The following PREP variants were observed in gnomAD, a reference collection of about 807,000 sequenced individuals.
PREP encodes the protein prolyl endopeptidase.
In PREP, 29 loss-of-function variants were observed where a neutral mutation model predicts 87.6. The observed-to-expected ratio is 0.33, with a 90% CI of 0.25 to 0.45. PREP has a LOEUF of 0.45. PREP is among the 20% of genes least tolerant of loss of function. PREP has a pLI of 1.00. For missense variants in PREP, 695 were observed against 886.5 expected, an observed-to-expected ratio of 0.78 and a Z score of 2.74; for synonymous variants, 337 against 328.6, an observed-to-expected ratio of 1.03 and a Z score of -0.28.
At position 105,274,492 on chromosome 6, in the gene PREP, A is replaced by G. The variant is rs1028022166; in HGVS notation, c.*3652T>C. On this transcript the variant is annotated 3_prime_UTR_variant, in exon 15 of 15. Transcript: ENST00000652536. Reference sequence around the variant, plus strand: ...AGTAAGAGAGCTGTTTCGGCTGGGCATGGTGGCTCATGCCTGTAATCCCAG... The same window carrying G: ...AGTAAGAGAGCTGTTTCGGCTGGGCGTGGTGGCTCATGCCTGTAATCCCAG... Among the ~76,000 whole-genome samples the G allele has an allele frequency of 6.6e-6, 1 of 152,162 alleles. No homozygotes were observed. Among genetic ancestry groups the G allele is most frequent in the African/African-American group, 2.4e-5 (1 of 41,444 alleles).
At chr6:105,361,180 T>C (rs972069201) in intron 6 of PREP, among the ~76,000 whole-genome samples, 7 of 152,292 alleles carry the variant, frequency 4.6e-5, no homozygotes, top group Admixed American at 2.6e-4. Context: ...AAGCCTTTCT[T>C]CATATTAAGA....
At chr6:105,316,390 C>A (rs546499972) in intron 10 of PREP, among the ~76,000 whole-genome samples, 10 of 152,178 alleles carry the variant, frequency 6.6e-5, no homozygotes, top group Non-Finnish European at 1.3e-4. Context: ...CTTCTATGAG[C>A]GCATTTGTGA....
chr6:105,293,956 G>A (rs1312830296), intron 10 of PREP, among the ~76,000 whole-genome samples: 1 of 152,056 alleles, frequency 6.6e-6, no homozygotes, highest in Non-Finnish European at 1.5e-5. Flanking sequence ...TTCCCCCTTT[G>A]TATTTTCATG....
intron 2 of PREP, among the ~76,000 whole-genome samples, chr6:105,385,451 C>A (rs11152884): frequency 6.6e-6 from 1 of 151,982 alleles, no homozygotes; most frequent in Admixed American, 6.6e-5. Flanking sequence ...TAACTTCATG[C>A]TAGTAATTTT....
intron 10 of PREP, among the ~76,000 whole-genome samples, chr6:105,297,347 C>T (rs189892403): frequency 6.6e-6 from 1 of 152,296 alleles, no homozygotes; most frequent in Non-Finnish European, 1.5e-5. Flanking sequence ...ATATTAGAAC[C>T]TTAAACTATT....
At chr6:105,330,507 A>G (rs1771299007) in intron 8 of PREP, among the ~76,000 whole-genome samples, 1 of 152,134 alleles carries the variant, frequency 6.6e-6, no homozygotes, top group Admixed American at 6.5e-5. Context: ...AGCAGGAGTG[A>G]GAGGTGATGA....
chr6:105,366,171 C>T (rs144154797), intron 6 of PREP, among the ~76,000 whole-genome samples: 2 of 152,236 alleles, frequency 1.3e-5, no homozygotes, highest in East Asian at 1.9e-4. Flanking sequence ...GCAGGAAAAT[C>T]GCTTGAACCC....
chr6:105,354,115 G>A (rs569085614), intron 6 of PREP, among the ~76,000 whole-genome samples: 1 of 152,250 alleles, frequency 6.6e-6, no homozygotes, highest in East Asian at 1.9e-4. Context: ...ATGTTGATAT[G>A]TGTAAATCTA....
chr6:105,289,787 G>A (rs1770258302), intron 10 of PREP, among the ~76,000 whole-genome samples: 1 of 152,144 alleles, frequency 6.6e-6, no homozygotes, highest in South Asian at 2.1e-4. Context: ...CCCCTGGAAA[G>A]TGCTCCAGTT....
chr6:105,294,445 A>T (rs1190049), intron 10 of PREP, among the ~76,000 whole-genome samples: 24,815 of 152,102 alleles, frequency 0.16, 2,111 homozygotes, highest in South Asian at 0.21. Context: ...GTCTCCTGTG[A>T]TTTCCCTCAG....
At chr6:105,381,226 T>A (rs769195641) in intron 2 of PREP, among the ~76,000 whole-genome samples, 1 of 152,178 alleles carries the variant, frequency 6.6e-6, no homozygotes, top group African/African-American at 2.4e-5. Context: ...AAGTCTCAAG[T>A]TTTTTCATAA....
intron 2 of PREP, among the ~76,000 whole-genome samples, chr6:105,397,366 T>TC (rs1562230936): frequency 6.6e-6 from 1 of 152,006 alleles, no homozygotes; most frequent in African/African-American, 2.4e-5. Flanking sequence ...CAGAAAATGC[T>TC]CCCCCCTGCC....
At chr6:105,385,918 G>A (rs374409565) in intron 2 of PREP, among the ~76,000 whole-genome samples, 1 of 152,150 alleles carries the variant, frequency 6.6e-6, no homozygotes, top group Non-Finnish European at 1.5e-5. Context: ...TCAGGAGATC[G>A]AGACCAGCCT....
At chr6:105,349,617 A>AATAT (rs1379318697) in intron 7 of PREP, among the ~76,000 whole-genome samples, 1 of 152,138 alleles carries the variant, frequency 6.6e-6, no homozygotes, top group African/African-American at 2.4e-5. Context: ...TGGTATCCTA[A>AATAT]ATATATAAAT....
At position 105,353,017 on chromosome 6, in the gene PREP, G is replaced by A. The variant is rs1320337080; in HGVS notation, c.778C>T (p.Arg260Ter). The change falls in exon 7 of 15, where the codon CGA (arginine) becomes TGA (stop). Residue 260 changes from arginine to a stop codon, truncating the protein, a stop_gained. Coordinates refer to ENST00000652536, the MANE Select transcript of PREP (RefSeq NM_002726.5). LOFTEE classifies it high-confidence loss of function. ...TGCTGTAGGTCACAGTACCAGAGTCGGTTTACTGGATCACATCCTTCCCTT... is the reference window on the plus strand; with the variant it reads ...TGCTGTAGGTCACAGTACCAGAGTCAGTTTACTGGATCACATCCTTCCCTT... The part of the protein sequence containing the change: ...SIREGCDPVN[R>*]LWYCDLQQES... The A allele has an allele frequency of 2.9e-5, 47 of 1,613,838 alleles. No homozygotes were observed. The Admixed American group carries it at 4.3e-4, about 15-fold the overall frequency.
intron 2 of PREP, among the ~76,000 whole-genome samples, chr6:105,391,525 T>G (rs1773146366): frequency 6.6e-6 from 1 of 152,226 alleles, no homozygotes; most frequent in African/African-American, 2.4e-5. Context: ...CCTAGCCTGA[T>G]TTCTGGAAGT....
At chr6:105,370,976 G>A (rs1772525479) in intron 5 of PREP, among the ~76,000 whole-genome samples, 1 of 152,216 alleles carries the variant, frequency 6.6e-6, no homozygotes, top group South Asian at 2.1e-4. Context: ...CAGACCTTCA[G>A]AATGTACAAC....
At chr6:105,308,986 C>T (rs1770705391) in intron 10 of PREP, among the ~76,000 whole-genome samples, 1 of 151,936 alleles carries the variant, frequency 6.6e-6, no homozygotes, top group African/African-American at 2.4e-5. Context: ...GGATGGAGGG[C>T]CAGGAGTAGG....
chr6:105,390,216 C>T (rs1297094510), intron 2 of PREP, among the ~76,000 whole-genome samples: 2 of 152,218 alleles, frequency 1.3e-5, no homozygotes, highest in Non-Finnish European at 2.9e-5. Flanking sequence ...AACGGGGTCA[C>T]TTCCAGCTAG....
Sources: gnomAD v4.1 joint callset for allele counts (sites outside exome capture counted in the v4.1 genomes callset) on GRCh38, gnomAD v4.1.1 for gene constraint, MANE v1.5 for transcripts, NCBI Gene and HGNC (gene_info 2026-07-23, HGNC 2026-07-21) for gene names.